Variants in SBF2 observed in about 807,000 individuals in gnomAD.
SBF2 encodes SET binding factor 2.
A neutral mutation model predicts 225.2 loss-of-function variants in SBF2; 112 were observed. The ratio of observed to expected loss-of-function variants is 0.50; its 90% confidence interval spans 0.43 to 0.58. The LOEUF (loss-of-function observed/expected upper bound fraction) is 0.58. SBF2 is among the 20% of genes least tolerant of loss of function. SBF2 has a pLI of 0.00. For missense variants in SBF2, 1,996 were observed against 2,206.2 expected (o/e 0.90, Z 1.91); for synonymous variants, 763 against 773.3 (o/e 0.99, Z 0.22).
At chr11:10,019,496 G>A (rs983343788) in intron 6 of SBF2, among the ~76,000 whole-genome samples, 1 of 152,090 alleles carries the variant, frequency 6.6e-6, no homozygotes, top group African/African-American at 2.4e-5. Context: ...TTAAAATCTT[G>A]TGTACTCAAA....
At chr11:10,175,142 A>T (rs1418786145) in intron 2 of SBF2, among the ~76,000 whole-genome samples, 3 of 150,242 alleles carry the variant, frequency 2.0e-5, no homozygotes, top group African/African-American at 4.9e-5. Context: ...TAATGACAGG[A>T]TCAAATTCAC....
chr11:10,221,028 T>C (rs1479801289), intron 1 of SBF2, among the ~76,000 whole-genome samples: 2 of 152,148 alleles, frequency 1.3e-5, no homozygotes, highest in South Asian at 2.1e-4. Context: ...GTGTTCTTCA[T>C]AGTATCCTGT....
intron 23 of SBF2, 152 bp from the exon 24 acceptor site, chr11:9,845,892 T>TA (rs562486963): frequency 3.1e-4 from 215 of 700,018 alleles, no homozygotes; most frequent in African/African-American, 2.9e-3. Context: ...TTTTTAAAAA[T>TA]AAAAAAAGGC....
chr11:10,002,431 A>AT (rs1948009730), intron 7 of SBF2, 126 bp downstream of exon 7: 2 of 776,736 alleles, frequency 2.6e-6, no homozygotes, highest in African/African-American at 1.8e-5. Context: ...TATGACTCAT[A>AT]TAACAGCATA....
chr11:9,948,524 T>C (rs1404396626), intron 16 of SBF2, among the ~76,000 whole-genome samples: 1 of 152,194 alleles, frequency 6.6e-6, no homozygotes, highest in African/African-American at 2.4e-5. Context: ...AAGCCCTTCT[T>C]ATATTTTCCT....
At chr11:9,990,053 T>C (rs929204732) in intron 12 of SBF2, among the ~76,000 whole-genome samples, 3 of 152,078 alleles carry the variant, frequency 2.0e-5, no homozygotes, top group South Asian at 2.1e-4. Context: ...TAAAATAAGA[T>C]GGAAGAACAA....
At chr11:10,039,142 A>G (rs1949557565) in intron 3 of SBF2, among the ~76,000 whole-genome samples, 1 of 151,890 alleles carries the variant, frequency 6.6e-6, no homozygotes, top group African/African-American at 2.4e-5. Flanking sequence ...GTATGTCCCT[A>G]AGTTCCCCCT....
At chr11:9,873,206 A>C (rs1314009317) in intron 17 of SBF2, among the ~76,000 whole-genome samples, 1 of 19,946 alleles carries the variant, frequency 5.0e-5, no homozygotes, top group Non-Finnish European at 1.7e-4. Context: ...ACTCTGTCTC[A>C]AAAAAAAAAA....
chr11:10,213,338 G>T (rs1489049004), intron 1 of SBF2, among the ~76,000 whole-genome samples: 1 of 152,120 alleles, frequency 6.6e-6, no homozygotes, highest in African/African-American at 2.4e-5. Context: ...TTTACTCAAT[G>T]GAGGTCACTA....
In SBF2 at chr11:10,174,220, G is replaced by A. The variant is rs184354003; in HGVS notation, c.141+19682C>T. The stretch of plus-strand genomic sequence containing the variant: ...AGACGATCAAAGTACTCTGAGCTAC[G>A]GGAGGAAATTCAAACCAAAGGCAAA... On this transcript the variant is annotated intron_variant, in intron 2 of 39. Coordinates refer to ENST00000256190, the MANE Select transcript of SBF2 (RefSeq NM_030962.4). Among the ~76,000 whole-genome samples the A allele has an allele frequency of 2.5e-3, 375 of 152,220 alleles. 2 individuals carry two copies. The highest frequency in any genetic ancestry group is 4.4e-3 in the Non-Finnish European group (296 of 68,014).
intron 2 of SBF2, among the ~76,000 whole-genome samples, chr11:10,065,265 G>A (rs1950587450): frequency 1.3e-5 from 2 of 152,110 alleles, no homozygotes; most frequent in South Asian, 2.1e-4. Context: ...TGCTACTAAA[G>A]TAGTATGTAA....
rs148048722 is a variant in SBF2, at chr11:10,080,390, G to A, written c.142-37409C>T. 1.5e-3 allele frequency among the ~76,000 whole-genome samples: 229 copies of A among 148,890 alleles called. 1 individual carries two copies. The highest frequency in any genetic ancestry group is 5.3e-3 in the African/African-American group (214 of 40,444). On this transcript the variant is annotated intron_variant, in intron 2 of 39. Transcript: ENST00000256190. ...ACCGGTCCTATCAAAAAAACTCAAA[G>A]AAGTTTTTAACATGGAAACAAAAGG...
chr11:9,842,883 T>C, intron 24 of SBF2, 113 bp from the exon 25 acceptor site: 2 of 1,000,832 alleles, frequency 2.0e-6, no homozygotes, highest in East Asian at 2.5e-5. Flanking sequence ...CCACTACTGG[T>C]CCAGACTCTT....
At chr11:10,231,204 C>T (rs1232425105) in intron 1 of SBF2, among the ~76,000 whole-genome samples, 2 of 152,126 alleles carry the variant, frequency 1.3e-5, no homozygotes, top group South Asian at 2.1e-4. Flanking sequence ...TCTAGTTAGC[C>T]ATTCATCTAA....
At chr11:9,788,168 G>C (rs1852496793) in intron 35 of SBF2, among the ~76,000 whole-genome samples, 1 of 152,176 alleles carries the variant, frequency 6.6e-6, no homozygotes, top group African/African-American at 2.4e-5. Context: ...AACCAGATGT[G>C]GAAAGAATGA....
At chr11:9,833,577 T>A (rs966157391) in intron 26 of SBF2, among the ~76,000 whole-genome samples, 1 of 151,386 alleles carries the variant, frequency 6.6e-6, no homozygotes, top group African/African-American at 2.4e-5. Context: ...CCTGCCACCA[T>A]CCCTGGCTAA....
At chr11:9,976,027 A>G (rs1222305649) in intron 13 of SBF2, among the ~76,000 whole-genome samples, 5 of 150,736 alleles carry the variant, frequency 3.3e-5, no homozygotes, top group African/African-American at 9.7e-5. Flanking sequence ...TGAAATATCC[A>G]TAAGGCACAA....
intron 16 of SBF2, among the ~76,000 whole-genome samples, chr11:9,919,141 C>G (rs12272416): frequency 0.77 from 117,734 of 152,088 alleles, 45,933 homozygotes; most frequent in African/African-American, 0.86. Flanking sequence ...GGTCATTCTT[C>G]AGTTCGTAAT....
At chr11:10,293,685 G>C (rs996043808) in intron 1 of SBF2, among the ~76,000 whole-genome samples, 2 of 152,196 alleles carry the variant, frequency 1.3e-5, no homozygotes, top group Non-Finnish European at 2.9e-5. Context: ...TGCGGTCCTG[G>C]GCCCAATCTC....
Sources: allele counts gnomAD v4.1 joint callset (sites outside exome capture counted in the v4.1 genomes callset), GRCh38; gene constraint gnomAD v4.1.1; transcripts MANE v1.5; gene names NCBI Gene and HGNC (gene_info 2026-07-23, HGNC 2026-07-21).